Variants in JAZF1 observed in about 807,000 individuals in gnomAD.
JAZF1 encodes the protein juxtaposed with another zinc finger protein 1.
In JAZF1, 8 loss-of-function variants were observed where a neutral mutation model predicts 26.4. The ratio of observed to expected loss-of-function variants is 0.30; its 90% CI spans 0.18 to 0.55. JAZF1 has a LOEUF of 0.55. Ranked by LOEUF, JAZF1 falls within the 20% of genes least tolerant of loss-of-function variation. The pLI, the probability that JAZF1 is intolerant of heterozygous loss-of-function variation, is 0.94. For missense variants in JAZF1, 199 were observed against 322.0 expected (o/e 0.62, Z 2.92); for synonymous variants, 126 against 122.3 (o/e 1.03, Z -0.20).
At chr7:27,974,526 G>A (rs1785434591) in intron 2 of JAZF1, among the ~76,000 whole-genome samples, 1 of 152,188 alleles carries the variant, frequency 6.6e-6, no homozygotes, top group Non-Finnish European at 1.5e-5. Flanking sequence ...GAATGTTACA[G>A]GTCAGTCTTG....
chr7:27,934,113 G>C (rs1354206109), intron 2 of JAZF1, among the ~76,000 whole-genome samples: 5 of 152,178 alleles, frequency 3.3e-5, no homozygotes, highest in African/African-American at 4.8e-5. Context: ...TCTTACAGTT[G>C]AGCAACCAGT....
rs527639513 is a variant in JAZF1, at chr7:28,160,598, G to A, written c.115+19865C>T. On this transcript the variant is annotated intron_variant, in intron 1 of 4. Transcript: ENST00000283928. ...GCAGCATTGTCAGCCACAAAACATC[G>A]TTTTAGTTCCATCCCAGGAGGCCAT... Among the ~76,000 whole-genome samples the A allele has an allele frequency of 1.6e-3, 246 of 152,230 alleles. 7 individuals are homozygous for A. The highest frequency in any genetic ancestry group is 0.014 in the Admixed American group (212 of 15,292).
At chr7:27,885,298 T>A (rs1783838505) in intron 3 of JAZF1, among the ~76,000 whole-genome samples, 2 of 152,240 alleles carry the variant, frequency 1.3e-5, no homozygotes, top group African/African-American at 4.8e-5. Context: ...TGTGTTCACC[T>A]GCTGGAAACA....
chr7:27,860,103 T>C (rs1214076987), intron 3 of JAZF1, among the ~76,000 whole-genome samples: 1 of 152,204 alleles, frequency 6.6e-6, no homozygotes, highest in African/African-American at 2.4e-5. Flanking sequence ...GCATCAAAAC[T>C]TGGGTAAATA....
intron 2 of JAZF1, among the ~76,000 whole-genome samples, chr7:27,902,745 G>A (rs1034996118): frequency 2.6e-5 from 4 of 152,138 alleles, no homozygotes; most frequent in Non-Finnish European, 5.9e-5. Context: ...TGCTGGGCAC[G>A]GTGGCTCACG....
chr7:28,042,291 C>G (rs1306517468), intron 1 of JAZF1, among the ~76,000 whole-genome samples: 1 of 152,190 alleles, frequency 6.6e-6, no homozygotes, highest in Non-Finnish European at 1.5e-5. Context: ...CTACTGCCAG[C>G]TCCATTCAGA....
chr7:28,111,995 C>T lies in JAZF1; in HGVS notation c.115+68468G>A, dbSNP rs770096909. ...GCTATACCAACATCTAATTTTTAAT[C>T]GTTCCAACTCTAGAGCTGTTTTTTC... On this transcript the variant is annotated intron_variant, in intron 1 of 4. Coordinates refer to ENST00000283928, the MANE Select transcript of JAZF1 (RefSeq NM_175061.4). Among the ~76,000 whole-genome samples, 58 of 152,300 alleles carry T rather than the reference C, an allele frequency of 3.8e-4. 1 individual carries two copies. Among genetic ancestry groups the T allele is most frequent in the African/African-American group, 1.1e-3 (47 of 41,552 alleles).
At chr7:27,898,944 T>G (rs1163843653) in intron 2 of JAZF1, among the ~76,000 whole-genome samples, 1 of 151,754 alleles carries the variant, frequency 6.6e-6, no homozygotes, top group Non-Finnish European at 1.5e-5. Context: ...GTGACAACCA[T>G]ACACACACAC....
intron 3 of JAZF1, among the ~76,000 whole-genome samples, chr7:27,884,389 CGTGCTGG>C (rs780713273): frequency 6.6e-6 from 1 of 152,190 alleles, no homozygotes; most frequent in Non-Finnish European, 1.5e-5. Context: ...CTCAGCCTCC[CGTGCTGG>C]GATAACAGGT....
intron 1 of JAZF1, among the ~76,000 whole-genome samples, chr7:28,030,924 A>C (rs1398532557): frequency 6.6e-6 from 1 of 152,206 alleles, no homozygotes; most frequent in East Asian, 1.9e-4. Context: ...TATTCAGATA[A>C]ATACATTCAT....
rs552641772 is a variant in JAZF1, at chr7:28,164,351, G to A, written c.115+16112C>T. 4.6e-5 allele frequency among the ~76,000 whole-genome samples: 7 copies of A among 152,344 alleles called. No individual in the cohort carries two copies. In the South Asian group the frequency reaches 8.3e-4, roughly 18 times the overall value. On this transcript the variant is annotated intron_variant, in intron 1 of 4. Transcript: ENST00000283928. ...TAATTTAGGAAAGGCTAAATTACAG[G>A]TACGAATATATGTATCTTGGCATAT...
intron 2 of JAZF1, among the ~76,000 whole-genome samples, chr7:27,968,877 T>G (rs575579108): frequency 3.2e-4 from 49 of 152,108 alleles, no homozygotes; most frequent in African/African-American, 1.1e-3. Context: ...TCTAAGCAAC[T>G]TCCCAGCTAA....
intron 1 of JAZF1, among the ~76,000 whole-genome samples, chr7:28,067,732 CA>C (rs1381564846): frequency 6.6e-5 from 10 of 152,154 alleles, no homozygotes; most frequent in Admixed American, 2.6e-4. Context: ...ATCTCAGTGT[CA>C]AAATAGGTTG....
At chr7:28,099,323 TTGTC>T (rs1457659011) in intron 1 of JAZF1, among the ~76,000 whole-genome samples, 7 of 152,222 alleles carry the variant, frequency 4.6e-5, no homozygotes, top group Non-Finnish European at 1.0e-4. Flanking sequence ...GAAATTTTCA[TTGTC>T]TGTTCACAAC....
At chr7:28,108,614 G>A (rs1434787768) in intron 1 of JAZF1, among the ~76,000 whole-genome samples, 2 of 152,228 alleles carry the variant, frequency 1.3e-5, no homozygotes, top group Non-Finnish European at 2.9e-5. Flanking sequence ...ATGTAAACTG[G>A]TATAGCCACT....
intron 1 of JAZF1, among the ~76,000 whole-genome samples, chr7:28,069,908 C>T (rs1000930251): frequency 1.4e-4 from 21 of 152,264 alleles, no homozygotes; most frequent in South Asian, 4.1e-4. Context: ...GCCATGAGCT[C>T]GTTACTCCCC....
chr7:28,032,299 G>A (rs1310074602), intron 1 of JAZF1, among the ~76,000 whole-genome samples: 1 of 152,016 alleles, frequency 6.6e-6, no homozygotes, highest in Admixed American at 6.6e-5. Context: ...TACAAACCAA[G>A]GACAGAAAAT....
intron 1 of JAZF1, among the ~76,000 whole-genome samples, chr7:28,178,985 A>C (rs1219269064): frequency 2.0e-5 from 3 of 152,252 alleles, no homozygotes; most frequent in Admixed American, 1.3e-4. Context: ...TTAAGCAGCC[A>C]CTGTGTGCAG....
chr7:28,177,265 A>G (rs1783563219), intron 1 of JAZF1, among the ~76,000 whole-genome samples: 1 of 152,146 alleles, frequency 6.6e-6, no homozygotes, highest in Non-Finnish European at 1.5e-5. Flanking sequence ...GAAAAGAGCT[A>G]AAAAAGTGGG....
Sources: gnomAD v4.1 joint callset for allele counts (sites outside exome capture counted in the v4.1 genomes callset) on GRCh38, gnomAD v4.1.1 for gene constraint, MANE v1.5 for transcripts, NCBI Gene and HGNC (gene_info 2026-07-23, HGNC 2026-07-21) for gene names.